FBXO17: variants seen among roughly 807,000 people sequenced by gnomAD.
FBXO17 encodes the protein F-box protein 17, also known as F-box only protein 17.
Under a neutral mutation model 34.1 loss-of-function variants are expected in FBXO17, and 43 were observed. That is an observed-to-expected ratio of 1.26 (90% CI 0.99 to 1.62). The LOEUF (loss-of-function observed/expected upper bound fraction) is 1.62. Among genes scored for constraint, FBXO17 ranks in the 40% most tolerant of loss-of-function variants. The pLI is 0.00. For missense variants in FBXO17, 424 were observed against 386.7 expected, an observed-to-expected ratio of 1.10 and a Z score of -0.81; for synonymous variants, 169 against 166.0, an observed-to-expected ratio of 1.02 and a Z score of -0.14.
chr19:38,970,662 G>A (rs529172413), intron 1 of FBXO17, among the ~76,000 whole-genome samples: 1 of 152,252 alleles, frequency 6.6e-6, no homozygotes, highest in South Asian at 2.1e-4. Context: ...GCTGTCATGA[G>A]GTTTTGTATA....
At chr19:38,966,293 T>TGTGTGTGTG (rs1975319597) in intron 1 of FBXO17, among the ~76,000 whole-genome samples, 117 of 143,052 alleles carry the variant, frequency 8.2e-4, no homozygotes, top group South Asian at 7.8e-3. Context: ...ATTAAAAATT[T>TGTGTGTGTG]TGTGTGTGTG....
chr19:38,958,873 G>A (rs10401843), intron 1 of FBXO17, among the ~76,000 whole-genome samples: 79,804 of 151,900 alleles, frequency 0.53, 21,417 homozygotes, highest in Admixed American at 0.68. Flanking sequence ...ACTGCAGAAG[G>A]GACATTGCTA....
chr19:38,948,440 G>A, intron 3 of FBXO17, 127 bp downstream of exon 3: 1 of 672,038 alleles, frequency 1.5e-6, no homozygotes, highest in Non-Finnish European at 2.5e-6. Context: ...TTGATGGAAT[G>A]AATCAATGAA....
intron 4 of FBXO17, 91 bp downstream of exon 4, chr19:38,946,381 G>A (rs762653124): frequency 9.9e-5 from 156 of 1,580,494 alleles, no homozygotes; most frequent in South Asian, 1.3e-4. Context: ...GCCGCTACCC[G>A]TGGGGTTGAT....
intron 1 of FBXO17, among the ~76,000 whole-genome samples, chr19:38,954,452 T>G (rs1309913042): frequency 6.6e-6 from 1 of 151,286 alleles, no homozygotes; most frequent in Admixed American, 6.6e-5. Flanking sequence ...ATATTTTTAG[T>G]AGAGACAGGG....
intron 1 of FBXO17, among the ~76,000 whole-genome samples, chr19:38,953,053 G>C (rs535953097): frequency 6.6e-6 from 1 of 152,162 alleles, no homozygotes; most frequent in Non-Finnish European, 1.5e-5. Flanking sequence ...TGTAATTCCA[G>C]CACTTTGGGA....
At position 38,975,290 on chromosome 19, in the gene FBXO17, C is replaced by T. The variant is rs1483751909; in HGVS notation, c.-18+296G>A. On this transcript the variant is annotated intron_variant, in intron 1 of 5. Coordinates refer to ENST00000292852, the MANE Select transcript of FBXO17 (RefSeq NM_024907.7). This position sits in a 1 kb window ranked among gnomAD's most constrained non-coding sequence, Gnocchi z 4.9. ...TTTGGCAGGGGTTTTGGATGGTGGC[C>T]TCCGCGGACGAGCGCAGGGATGGAG... 6.6e-6 allele frequency among the ~76,000 whole-genome samples: 1 copy of T among 152,232 alleles called. No homozygotes were observed. The highest frequency in any genetic ancestry group is 2.4e-5 in the African/African-American group (1 of 41,462).
chr19:38,942,940 C>G (rs1466051156), intron 5 of FBXO17, among the ~76,000 whole-genome samples, 189 bp from the exon 6 acceptor site: 1 of 152,170 alleles, frequency 6.6e-6, no homozygotes, highest in Non-Finnish European at 1.5e-5. Flanking sequence ...GGCCCAGACA[C>G]TGGAGATAGG....
At chr19:38,963,184 A>T (rs926458800) in intron 1 of FBXO17, among the ~76,000 whole-genome samples, 1 of 152,112 alleles carries the variant, frequency 6.6e-6, no homozygotes, top group African/African-American at 2.4e-5. Flanking sequence ...CTTGTGAAGA[A>T]GTCATCTGGG....
At chr19:38,960,014 A>G (rs1172682406) in intron 1 of FBXO17, among the ~76,000 whole-genome samples, 3 of 152,242 alleles carry the variant, frequency 2.0e-5, no homozygotes, top group African/African-American at 7.2e-5. Context: ...GTCCATGGAA[A>G]GGAACAAAAA....
chr19:38,950,514 A>C (rs922974921), intron 1 of FBXO17, among the ~76,000 whole-genome samples, 178 bp from the exon 2 acceptor site: 1 of 152,170 alleles, frequency 6.6e-6, no homozygotes. Context: ...ACTTGGGTAA[A>C]AGACCCCTGG....
chr19:38,961,956 C>T (rs1975256453), intron 1 of FBXO17, among the ~76,000 whole-genome samples: 1 of 152,130 alleles, frequency 6.6e-6, no homozygotes, highest in African/African-American at 2.4e-5. Context: ...AGCCACCGTG[C>T]CCGGCTTCTT....
intron 1 of FBXO17, among the ~76,000 whole-genome samples, chr19:38,964,178 T>C (rs1399220703): frequency 1.3e-5 from 2 of 152,192 alleles, no homozygotes; most frequent in African/African-American, 2.4e-5. Context: ...CCAGCAGTTT[T>C]CCAGCATGAT....
In FBXO17 at chr19:38,948,680, T is replaced by C. The variant is rs754275227; in HGVS notation, c.350-2A>G. On this transcript the variant is annotated splice_acceptor_variant, in intron 2 of 5. Transcript: ENST00000292852. LOFTEE classifies it high-confidence loss of function. Reference sequence around the variant, plus strand: ...CCACCTCCCAGCCTCTGAAGCCCTCTGTGGGAAAACAAGAGTTGAACATAT... The same window carrying C: ...CCACCTCCCAGCCTCTGAAGCCCTCCGTGGGAAAACAAGAGTTGAACATAT... 1.9e-6 allele frequency: 3 copies of C among 1,613,356 alleles called. No individual in the cohort carries two copies. The highest frequency in any genetic ancestry group is 3.3e-5 in the Admixed American group (2 of 59,766).
intron 4 of FBXO17, chr19:38,945,355 G>A: frequency 1.8e-6 from 1 of 553,314 alleles, no homozygotes; most frequent in Non-Finnish European, 3.2e-6. Flanking sequence ...GGGTGGTCCT[G>A]GGGTGGAGCC....
intron 1 of FBXO17, among the ~76,000 whole-genome samples, chr19:38,969,232 T>G (rs1975358583): frequency 6.6e-6 from 1 of 152,006 alleles, no homozygotes; most frequent in Non-Finnish European, 1.5e-5. Flanking sequence ...GATGATCGCT[T>G]GAGCCCACGA....
At chr19:38,973,442 T>C (rs1211818343) in intron 1 of FBXO17, among the ~76,000 whole-genome samples, 1 of 152,186 alleles carries the variant, frequency 6.6e-6, no homozygotes, top group Non-Finnish European at 1.5e-5. Context: ...GCAGGTCTTC[T>C]GTGGCTGTTT....
At chr19:38,960,180 T>A (rs1975227462) in intron 1 of FBXO17, among the ~76,000 whole-genome samples, 1 of 152,206 alleles carries the variant, frequency 6.6e-6, no homozygotes, top group South Asian at 2.1e-4. Flanking sequence ...CTTTTTATAC[T>A]GACTGGAAAA....
At chr19:38,958,428 AG>A (rs1975200015) in intron 1 of FBXO17, among the ~76,000 whole-genome samples, 1 of 147,618 alleles carries the variant, frequency 6.8e-6, no homozygotes, top group Non-Finnish European at 1.5e-5. Context: ...AAAAAAAAAA[AG>A]GAAAGAGGAA....
Sources: gnomAD v4.1 joint callset for allele counts (sites outside exome capture counted in the v4.1 genomes callset) on GRCh38, gnomAD v4.1.1 for gene constraint, Gnocchi (gnomAD v3.1) non-coding constraint, MANE v1.5 for transcripts, NCBI Gene and HGNC (gene_info 2026-07-23, HGNC 2026-07-21) for gene names.